The following ARAP1 variants were observed in gnomAD, a reference collection of about 807,000 sequenced individuals.
The protein encoded by ARAP1 is arf-GAP with Rho-GAP domain, ANK repeat and PH domain-containing protein 1.
A neutral mutation model predicts 172.2 loss-of-function variants in ARAP1; 76 were observed. The ratio of observed to expected loss-of-function variants is 0.44; its 90% CI spans 0.37 to 0.53. ARAP1 has a LOEUF of 0.53. Among genes scored for constraint, ARAP1 ranks in the 20% least tolerant of loss-of-function variants. ARAP1 has a pLI of 0.00. For missense variants in ARAP1, 1,686 were observed against 1,977.5 expected, an observed-to-expected ratio of 0.85 and a Z score of 2.80; for synonymous variants, 804 against 803.3, an observed-to-expected ratio of 1.00 and a Z score of -0.01.
At chr11:72,694,282 T>C (rs1198045401) in intron 27 of ARAP1, among the ~76,000 whole-genome samples, 1 of 151,810 alleles carries the variant, frequency 6.6e-6, no homozygotes, top group East Asian at 1.9e-4. Context: ...CATCAGCGAG[T>C]AGCAATCTTC....
chr11:72,729,966 C>T (rs991878785), intron 2 of ARAP1, among the ~76,000 whole-genome samples: 3 of 151,194 alleles, frequency 2.0e-5, no homozygotes, highest in Non-Finnish European at 2.9e-5. Context: ...CAAAAGCCTT[C>T]TGGAAATGAA....
chr11:72,687,580 AG>A, intron 32 of ARAP1, 78 bp from the exon 33 acceptor site: 2 of 1,612,900 alleles, frequency 1.2e-6, no homozygotes, highest in Non-Finnish European at 1.7e-6. Context: ...TTCCCAGCCC[AG>A]GGTCTGCTAG....
At position 72,693,660 on chromosome 11, in the gene ARAP1, C is replaced by A. The variant is rs369611323; in HGVS notation, c.3808+32G>T. On this transcript the variant is annotated intron_variant, in intron 28 of 34. Transcript: ENST00000393609. This position sits in a 1 kb window ranked among gnomAD's most constrained non-coding sequence, Gnocchi z 4.6. ...CCTGGCTCTGGAAGAGAGGACCACC[C>A]GGAGCCTGGCCACCCTGCAGGCACC... is the stretch of plus-strand genomic sequence containing the variant. 1.3e-6 allele frequency: 2 copies of A among 1,569,412 alleles called. No individual in the cohort carries two copies. Among genetic ancestry groups the A allele is most frequent in the Non-Finnish European group, 1.7e-6 (2 of 1,155,854 alleles).
At chr11:72,702,762 T>A in intron 15 of ARAP1, 143 bp downstream of exon 15, 1 of 1,066,658 alleles carries the variant, frequency 9.4e-7, no homozygotes, top group Non-Finnish European at 1.3e-6. Context: ...CACACTGACA[T>A]GCAAACCCAA....
intron 7 of ARAP1, among the ~76,000 whole-genome samples, chr11:72,711,774 C>T (rs909236644): frequency 4.7e-5 from 7 of 148,650 alleles, no homozygotes; most frequent in Non-Finnish European, 1.0e-4. Flanking sequence ...TAGCTCACTA[C>T]AGCCTCAGAT....
chr11:72,719,237 C>G (rs146724048), intron 3 of ARAP1, among the ~76,000 whole-genome samples: 25 of 152,322 alleles, frequency 1.6e-4, no homozygotes, highest in Non-Finnish European at 3.4e-4. Flanking sequence ...CACATCACTG[C>G]CCTGCCCAAG....
intron 1 of ARAP1, among the ~76,000 whole-genome samples, chr11:72,736,239 C>CT (rs61233618): frequency 0.1 from 13,753 of 132,294 alleles, 1,213 homozygotes; most frequent in East Asian, 0.37. Flanking sequence ...TTTTAGTTAC[C>CT]TTTTTTTTTT....
rs1290998332 is a variant in ARAP1 at position 72,713,220 on chromosome 11, G to A, written c.703C>T (p.Pro235Ser). The A allele has an allele frequency of 1.9e-6, 3 of 1,613,572 alleles. No homozygotes were observed. Among genetic ancestry groups the A allele is most frequent in the African/African-American group, 1.3e-5 (1 of 74,908 alleles). ...GCTGGGGCCCCCGGCCCCTCCTCTG[G>A]GACCTCATCGTAGTCAGAGTCATCT... ...EFDDSDYDEV[P>S]EEGPGAPARV... The change falls in exon 5 of 35, where the codon CCA becomes TCA. Residue 235 changes from proline to serine, a missense_variant. Pro to Ser is a moderately conservative substitution (Grantham distance 74). Around this residue, in one of 5 missense-constraint regions of ARAP1, gnomAD observed 155 missense variants for 129.2 expected, o/e 1.20. Coordinates refer to ENST00000393609, the MANE Select transcript of ARAP1 (RefSeq NM_001040118.3).
chr11:72,749,247 A>G (rs1858466004), intron 1 of ARAP1, among the ~76,000 whole-genome samples: 1 of 152,140 alleles, frequency 6.6e-6, no homozygotes, highest in Non-Finnish European at 1.5e-5. Flanking sequence ...GAGGCAATGA[A>G]CACCTGGGTC....
At chr11:72,688,378 C>A (rs946891111) in intron 31 of ARAP1, 77 bp downstream of exon 31, 1 of 1,379,598 alleles carries the variant, frequency 7.2e-7, no homozygotes, top group Non-Finnish European at 1.0e-6. Flanking sequence ...AATTAAAAAC[C>A]CCAGCTGTGC....
intron 1 of ARAP1, among the ~76,000 whole-genome samples, chr11:72,737,116 C>T (rs1858052968): frequency 6.6e-6 from 1 of 152,224 alleles, no homozygotes; most frequent in African/African-American, 2.4e-5. Flanking sequence ...ACTGCTTCTG[C>T]TCTCTCTTTG....
chr11:72,734,084 C>A (rs1015488689), intron 1 of ARAP1, among the ~76,000 whole-genome samples: 1 of 152,108 alleles, frequency 6.6e-6, no homozygotes, highest in Non-Finnish European at 1.5e-5. Flanking sequence ...CCTCAGCCCC[C>A]CCAGTTGCTA....
rs1857655710 is a variant in ARAP1 at position 72,725,339 on chromosome 11, C to T, written c.509+1281G>A. The stretch of plus-strand genomic sequence containing the variant: ...CTCTCTTTTTCTCTCTCTCTCTCCC[C>T]CCCACAAGCTGATGGGGTTGAAATA... On this transcript the variant is annotated intron_variant, in intron 3 of 34. Transcript: ENST00000393609. This position sits in a 1 kb window ranked among gnomAD's most constrained non-coding sequence, Gnocchi z 4.3. Among the ~76,000 whole-genome samples the T allele has an allele frequency of 6.6e-6, 1 of 150,620 alleles. No homozygotes were observed.
chr11:72,715,020 T>C (rs1409042443), intron 3 of ARAP1, among the ~76,000 whole-genome samples: 1 of 152,210 alleles, frequency 6.6e-6, no homozygotes, highest in East Asian at 1.9e-4. Context: ...AGTGTTCCCA[T>C]CTGTCTCAGT....
In ARAP1 at chr11:72,687,719, G is replaced by A; in HGVS notation, c.4090C>T (p.His1364Tyr). 2 of 1,614,200 alleles carry A rather than the reference G, an allele frequency of 1.2e-6. No homozygotes were observed. The highest frequency in any genetic ancestry group is 1.7e-6 in the Non-Finnish European group (2 of 1,180,038). ...TGCTTCTCATGTTTCTCTGTCTCAT[G>A]CACCACTGTGAAGCCCCAGCTACAG... ...PPTCWGFTVV[H>Y]ETEKHEKQQW... is the part of the protein sequence containing the mutation. Residue 1364 changes from histidine (H) to tyrosine (Y), a missense_variant, in exon 32 of 35, where the codon CAT (histidine) becomes TAT (tyrosine). This residue lies in a region of ARAP1 where 379 missense variants were observed against 500.1 expected (regional missense o/e 0.76). Coordinates refer to ENST00000393609, the MANE Select transcript of ARAP1 (RefSeq NM_001040118.3).
chr11:72,697,885 TG>T, intron 19 of ARAP1, 25 bp downstream of exon 19: 1 of 1,542,614 alleles, frequency 6.5e-7, no homozygotes, highest in South Asian at 1.2e-5. Context: ...CCCTGGAGGC[TG>T]GGGGCCCAGG....
rs775252840 is a variant in ARAP1, at chr11:72,704,115, G to A, written c.1992+37C>T. 26 of 1,612,930 alleles carry A rather than the reference G, an allele frequency of 1.6e-5. 1 individual carries two copies. Among genetic ancestry groups the A allele is most frequent in the East Asian group, 1.3e-4 (6 of 44,886 alleles). On this transcript the variant is annotated intron_variant, in intron 14 of 34. Coordinates refer to ENST00000393609, the MANE Select transcript of ARAP1 (RefSeq NM_001040118.3). ...GGAACAGGGCAGCAGAAAGACGGGG[G>A]TGGTCCCAAGGGGCCCCAGAGCTGC...
chr11:72,703,898 G>A (rs912714355), intron 14 of ARAP1: 3 of 533,628 alleles, frequency 5.6e-6, no homozygotes, highest in African/African-American at 3.9e-5. Context: ...GCAGGAGACT[G>A]AGGAATTGGG....
chr11:72,713,468 G>T (rs1179180663), intron 4 of ARAP1, among the ~76,000 whole-genome samples: 1 of 152,190 alleles, frequency 6.6e-6, no homozygotes. Flanking sequence ...CCACAAGGAG[G>T]TCCGAGCCAG....
Sources: allele counts gnomAD v4.1 joint callset (sites outside exome capture counted in the v4.1 genomes callset), GRCh38; gene constraint gnomAD v4.1.1; regional missense constraint gnomAD v4.1.1; non-coding constraint Gnocchi (gnomAD v3.1); transcripts MANE v1.5; gene names NCBI Gene and HGNC (gene_info 2026-07-23, HGNC 2026-07-21).